ELOVL7: variants seen among roughly 807,000 people sequenced by gnomAD.
The protein encoded by ELOVL7 is very long chain fatty acid elongase 7.
In ELOVL7, 27 loss-of-function variants were observed where a neutral mutation model predicts 35.7. The observed-to-expected ratio is 0.76, with a 90% CI of 0.56 to 1.04. ELOVL7 has a LOEUF of 1.04. ELOVL7 is among the 50% of genes least tolerant of loss of function. ELOVL7 has a pLI of 0.00. For missense variants in ELOVL7, 327 were observed against 340.8 expected, an observed-to-expected ratio of 0.96 and a Z score of 0.32; for synonymous variants, 113 against 114.6, an observed-to-expected ratio of 0.99 and a Z score of 0.09.
intron 1 of ELOVL7, among the ~76,000 whole-genome samples, chr5:60,821,820 T>A (rs1745906127): frequency 2.0e-5 from 3 of 152,274 alleles, no homozygotes; most frequent in African/African-American, 4.8e-5. Context: ...TGATGCTTGT[T>A]GAACAAGGCA....
chr5:60,790,392 T>C (rs1018407141), intron 2 of ELOVL7, among the ~76,000 whole-genome samples: 10 of 152,240 alleles, frequency 6.6e-5, no homozygotes, highest in African/African-American at 2.4e-4. Flanking sequence ...TAAAATCAGC[T>C]GTACCTTTAC....
chr5:60,834,786 T>C (rs1464479854), intron 1 of ELOVL7, among the ~76,000 whole-genome samples: 1 of 150,424 alleles, frequency 6.6e-6, no homozygotes, highest in Non-Finnish European at 1.5e-5. Context: ...TTTTGGTTAG[T>C]TGATTTTTAA....
intron 1 of ELOVL7, among the ~76,000 whole-genome samples, chr5:60,827,840 C>A (rs1403142249): frequency 6.6e-6 from 1 of 152,154 alleles, no homozygotes; most frequent in Non-Finnish European, 1.5e-5. Context: ...GTACCACAAC[C>A]CACCTGTGGT....
At chr5:60,800,217 C>T (rs1256058981) in intron 1 of ELOVL7, among the ~76,000 whole-genome samples, 3 of 152,052 alleles carry the variant, frequency 2.0e-5, no homozygotes, top group Non-Finnish European at 4.4e-5. Flanking sequence ...GATGAACATA[C>T]TGGCAAAAAT....
At chr5:60,772,613 A>G (rs1742665567) in intron 3 of ELOVL7, among the ~76,000 whole-genome samples, 1 of 152,200 alleles carries the variant, frequency 6.6e-6, no homozygotes, top group African/African-American at 2.4e-5. Context: ...TTCTGTAAGT[A>G]TGGCGCCAGA....
intron 7 of ELOVL7, among the ~76,000 whole-genome samples, chr5:60,760,514 A>C (rs1261448429): frequency 6.6e-6 from 1 of 151,920 alleles, no homozygotes; most frequent in Non-Finnish European, 1.5e-5. Flanking sequence ...AATTTGTTTG[A>C]GTTCATTGTA....
At position 60,754,619 on chromosome 5, in the gene ELOVL7, G is replaced by A. The variant is rs1295765738; in HGVS notation, c.*5C>T. On this transcript the variant is annotated 3_prime_UTR_variant, in exon 9 of 9. Coordinates refer to ENST00000508821, the MANE Select transcript of ELOVL7 (RefSeq NM_024930.3). ...TCAGTTTCGATCATAGACTTATGTTGGGCTTCAATTATCTTTGTTTTTGCA... is the reference window on the plus strand; with the variant it reads ...TCAGTTTCGATCATAGACTTATGTTAGGCTTCAATTATCTTTGTTTTTGCA... The A allele has an allele frequency of 1.9e-6, 3 of 1,612,014 alleles. No homozygotes were observed. Among genetic ancestry groups the A allele is most frequent in the Admixed American group, 3.3e-5 (2 of 59,942 alleles).
chr5:60,807,727 C>T (rs544315263), intron 1 of ELOVL7, among the ~76,000 whole-genome samples: 302 of 152,112 alleles, frequency 2.0e-3, no homozygotes, highest in African/African-American at 6.9e-3. Flanking sequence ...GGGCCGGGCG[C>T]GGTGGTTCAC....
chr5:60,820,298 G>T (rs1306429585), intron 1 of ELOVL7, among the ~76,000 whole-genome samples: 2 of 152,234 alleles, frequency 1.3e-5, no homozygotes, highest in Non-Finnish European at 2.9e-5. Context: ...TGGGCCTTGT[G>T]AAACACAGAG....
At chr5:60,766,741 T>C (rs1742262648) in intron 5 of ELOVL7, 111 bp from the exon 6 acceptor site, 2 of 849,394 alleles carry the variant, frequency 2.4e-6, no homozygotes, top group Admixed American at 4.6e-5. Context: ...CAACCATTTC[T>C]TAGTGCACAG....
rs1741382294 is a variant in ELOVL7 at position 60,753,882 on chromosome 5, T to C, written c.*742A>G. The C allele has an allele frequency of 6.6e-6, 1 of 152,212 alleles. No individual in the cohort carries two copies. Among genetic ancestry groups the C allele is most frequent in the Non-Finnish European group, 1.5e-5 (1 of 68,044 alleles). The allele number at this position is 152,212 out of a possible 1,614,324, so 9.4% of individuals were successfully genotyped here. ...TAAAACAGTAATAGCAAAGTATTCA[T>C]TAACCCATTAAAACAAATCACCTTG... On this transcript the variant is annotated 3_prime_UTR_variant, in exon 9 of 9. Coordinates refer to ENST00000508821, the MANE Select transcript of ELOVL7 (RefSeq NM_024930.3).
rs1644008281 is a variant in ELOVL7, at chr5:60,808,632, G to A, written c.-85-9402C>T. 3.3e-5 allele frequency among the ~76,000 whole-genome samples: 5 copies of A among 152,032 alleles called. No individual in the cohort carries two copies. The South Asian group carries it at 1.0e-3, about 32-fold the overall frequency. ...AATTTTACTCTTAATATTAACCCAA[G>A]ACAAAGAAATACTTATATTCATTCC... On this transcript the variant is annotated intron_variant, in intron 1 of 8. Coordinates refer to ENST00000508821, the MANE Select transcript of ELOVL7 (RefSeq NM_024930.3).
chr5:60,810,560 T>C (rs984782700), intron 1 of ELOVL7, among the ~76,000 whole-genome samples: 2 of 152,236 alleles, frequency 1.3e-5, no homozygotes, highest in African/African-American at 4.8e-5. Flanking sequence ...TATACAAATA[T>C]GCAATCCTAC....
At chr5:60,787,274 A>G in intron 3 of ELOVL7, 60 bp downstream of exon 3, 4 of 1,372,656 alleles carry the variant, frequency 2.9e-6, no homozygotes, top group Non-Finnish European at 4.1e-6. Context: ...ATCCTATTAA[A>G]TATGAGAATC....
chr5:60,770,112 T>C (rs1742490576), intron 4 of ELOVL7, among the ~76,000 whole-genome samples: 1 of 151,776 alleles, frequency 6.6e-6, no homozygotes, highest in African/African-American at 2.4e-5. Context: ...ATTTGGCAGG[T>C]AGTTCCTGAA....
intron 1 of ELOVL7, among the ~76,000 whole-genome samples, chr5:60,831,917 C>A (rs1339451198): frequency 1.3e-5 from 2 of 152,044 alleles, no homozygotes; most frequent in Non-Finnish European, 2.9e-5. Context: ...ATGCTTGGAT[C>A]TTAATATATT....
chr5:60,824,105 C>T (rs1257146375), intron 1 of ELOVL7, among the ~76,000 whole-genome samples: 2 of 151,726 alleles, frequency 1.3e-5, no homozygotes, highest in Non-Finnish European at 2.9e-5. Flanking sequence ...CCTGGGTATC[C>T]GTGCAGAGGA....
chr5:60,808,007 A>G (rs1416932651), intron 1 of ELOVL7, among the ~76,000 whole-genome samples: 1 of 143,484 alleles, frequency 7.0e-6, no homozygotes, highest in East Asian at 1.9e-4. Flanking sequence ...AAAAAAAAAA[A>G]AAAAAAAAAA....
At chr5:60,757,160 C>G (rs1415120463) in intron 8 of ELOVL7, among the ~76,000 whole-genome samples, 4 of 152,174 alleles carry the variant, frequency 2.6e-5, no homozygotes, top group African/African-American at 9.6e-5. Flanking sequence ...AGTTGCATTC[C>G]CTCAAGGTCA....
Sources: gnomAD v4.1 joint callset for allele counts (sites outside exome capture counted in the v4.1 genomes callset) on GRCh38, gnomAD v4.1.1 for gene constraint, MANE v1.5 for transcripts, NCBI Gene and HGNC (gene_info 2026-07-23, HGNC 2026-07-21) for gene names.